Variants in RGPD2 observed in about 807,000 individuals in gnomAD.
RGPD2 encodes the protein RANBP2 like and GRIP domain containing 2, also known as RANBP2-like and GRIP domain-containing protein 2.
RGPD2 carries 2 observed loss-of-function variants against 36.0 expected under a neutral mutation model. That is an observed-to-expected ratio of 0.06 (90% CI 0.02 to 0.17). The LOEUF (loss-of-function observed/expected upper bound fraction) is 0.17, where lower values mean the gene tolerates loss of function less well. RGPD2 is among the 10% of genes least tolerant of loss of function. The pLI, the probability that RGPD2 is intolerant of heterozygous loss-of-function variation, is 1.00. For synonymous variants in RGPD2, 19 were observed against 163.8 expected (o/e 0.12, Z 6.75); for missense variants, 40 against 464.3 (o/e 0.09, Z 8.40).
the RGPD2 span, among the ~76,000 whole-genome samples, chr2:87,913,352 G>A: frequency 4.9e-4 from 74 of 151,670 alleles, 1 homozygote; most frequent in African/African-American, 1.6e-3. Flanking sequence ...ATGAGAACAC[G>A]TGGACACAGG....
At chr2:87,809,740 A>G (rs921885871) in intron 6 of RGPD2, among the ~76,000 whole-genome samples, 6 of 151,740 alleles carry the variant, frequency 4.0e-5, no homozygotes, top group Non-Finnish European at 7.4e-5. Flanking sequence ...TCCTCCCCTC[A>G]GGCCCCCAAG....
chr2:87,881,796 G>A, the RGPD2 span, among the ~76,000 whole-genome samples: 1 of 151,996 alleles, frequency 6.6e-6, no homozygotes, highest in Non-Finnish European at 1.5e-5. Flanking sequence ...GTGTTAAGCT[G>A]TTCTTGTATT....
At chr2:87,809,106 C>T in intron 6 of RGPD2, among the ~76,000 whole-genome samples, 1 of 137,580 alleles carries the variant, frequency 7.3e-6, no homozygotes, top group African/African-American at 2.6e-5. Flanking sequence ...GATATCAAGA[C>T]CATCCTGGCT....
intron 1 of RGPD2, among the ~76,000 whole-genome samples, chr2:87,824,717 C>CGAG (rs1686550742): frequency 8.2e-6 from 1 of 122,476 alleles, no homozygotes. Flanking sequence ...AGGCCGAGGC[C>CGAG]GCCGCCGCCG....
rs868185596 is a variant in RGPD2 at position 87,763,243 on chromosome 2, C to T, written c.5237-5817G>A. The stretch of plus-strand genomic sequence containing the variant: ...CACGATCTCAGCTCACTGCAAGCTC[C>T]GCCTCCCGGGTTCGCGCCATTCTCC... On this transcript the variant is annotated intron_variant, in intron 22 of 22. Coordinates refer to ENST00000398146, the MANE Select transcript of RGPD2 (RefSeq NM_001078170.3). Among the ~76,000 whole-genome samples the T allele has an allele frequency of 3.3e-4, 48 of 144,192 alleles. 1 individual carries two copies. The highest frequency in any genetic ancestry group is 6.8e-4 in the South Asian group (3 of 4,412). 94.6% of individuals were successfully genotyped at this position (144,192 alleles called of 152,430 possible).
At chr2:87,876,665 G>T in the RGPD2 span, among the ~76,000 whole-genome samples, 2 of 152,286 alleles carry the variant, frequency 1.3e-5, no homozygotes, top group Non-Finnish European at 2.9e-5. Flanking sequence ...GGGGCAATGA[G>T]AAGTATGTAT....
intron 22 of RGPD2, among the ~76,000 whole-genome samples, chr2:87,762,535 TCAAAA>T (rs1418972442): frequency 8.1e-6 from 1 of 123,096 alleles, no homozygotes; most frequent in African/African-American, 3.9e-5. Context: ...CGAGACTGTC[TCAAAA>T]CAAACAAAAA....
At chr2:87,919,508 G>A in the RGPD2 span, among the ~76,000 whole-genome samples, 1 of 151,958 alleles carries the variant, frequency 6.6e-6, no homozygotes, top group Non-Finnish European at 1.5e-5. Context: ...ATAATGAGGT[G>A]AAGTTTCAAC....
At chr2:87,898,452 GTAGA>G in the RGPD2 span, among the ~76,000 whole-genome samples, 8 of 48,690 alleles carry the variant, frequency 1.6e-4, no homozygotes, top group Non-Finnish European at 3.0e-4. Context: ...AAACTTATAA[GTAGA>G]TAGGCAGTGA....
chr2:87,881,340 C>G, the RGPD2 span, among the ~76,000 whole-genome samples: 2 of 152,370 alleles, frequency 1.3e-5, no homozygotes, highest in Admixed American at 6.5e-5. Flanking sequence ...CTGTGTGGTG[C>G]CTTCAACCCC....
chr2:87,824,820 G>T (rs1686605213), intron 1 of RGPD2: 2 of 118,956 alleles, frequency 1.7e-5, no homozygotes, highest in Admixed American at 8.1e-5. Flanking sequence ...GCCCGGCCAG[G>T]CCGAGGCCGC....
At chr2:87,984,725 T>G in the RGPD2 span, among the ~76,000 whole-genome samples, 4 of 148,096 alleles carry the variant, frequency 2.7e-5, no homozygotes, top group African/African-American at 1.0e-4. Context: ...GGTCAGGAGA[T>G]CGAGACCATC....
At chr2:87,962,290 T>C in the RGPD2 span, among the ~76,000 whole-genome samples, 1 of 152,208 alleles carries the variant, frequency 6.6e-6, no homozygotes, top group Non-Finnish European at 1.5e-5. Flanking sequence ...TACAGTCTTA[T>C]GTGGACAAAT....
the RGPD2 span, among the ~76,000 whole-genome samples, chr2:87,861,560 C>T: frequency 1.3e-5 from 2 of 152,160 alleles, no homozygotes; most frequent in African/African-American, 4.8e-5. Context: ...GCTCCAATCC[C>T]TGGTAATAGC....
the RGPD2 span, among the ~76,000 whole-genome samples, chr2:87,831,524 T>A: frequency 6.6e-6 from 1 of 151,400 alleles, no homozygotes; most frequent in Non-Finnish European, 1.5e-5. Context: ...TAAGCTGAAG[T>A]CAAAGTGAAA....
the RGPD2 span, among the ~76,000 whole-genome samples, chr2:87,866,891 T>C: frequency 1.3e-5 from 2 of 152,164 alleles, no homozygotes; most frequent in African/African-American, 4.8e-5. Flanking sequence ...GGGCGAGAGG[T>C]CCGGCTTTGT....
the RGPD2 span, among the ~76,000 whole-genome samples, chr2:87,986,944 C>T: frequency 1.4e-5 from 2 of 146,596 alleles, no homozygotes; most frequent in African/African-American, 2.5e-5. Context: ...TAAAATACTG[C>T]CTACATACTT....
the RGPD2 span, among the ~76,000 whole-genome samples, chr2:87,952,415 C>T: frequency 6.6e-6 from 1 of 152,030 alleles, no homozygotes; most frequent in Non-Finnish European, 1.5e-5. Flanking sequence ...AAAGGACCCA[C>T]ACACATTTAA....
the RGPD2 span, among the ~76,000 whole-genome samples, chr2:87,979,819 T>A: frequency 2.2e-5 from 3 of 138,984 alleles, no homozygotes; most frequent in Non-Finnish European, 3.1e-5. Context: ...CAGGAGGTGG[T>A]GAGCCAACAT....
Sources: gnomAD v4.1 joint callset for allele counts (sites outside exome capture counted in the v4.1 genomes callset) on GRCh38, gnomAD v4.1.1 for gene constraint, MANE v1.5 for transcripts, NCBI Gene and HGNC (gene_info 2026-07-23, HGNC 2026-07-21) for gene names.